ZNF729: variants seen among roughly 807,000 people sequenced by gnomAD.
ZNF729 encodes zinc finger protein 729.
ZNF729 carries 15 observed loss-of-function variants against 12.2 expected under a neutral mutation model. The ratio of observed to expected loss-of-function variants is 1.23; its 90% CI spans 0.82 to 1.89. The LOEUF (loss-of-function observed/expected upper bound fraction) is 1.89, where lower values mean the gene tolerates loss of function less well. ZNF729 is among the 40% of genes most tolerant of loss of function. The pLI, the probability that ZNF729 is intolerant of heterozygous loss-of-function variation, is 0.00. For missense variants in ZNF729, 1,540 were observed against 1,456.7 expected (o/e 1.06, Z -0.93); for synonymous variants, 492 against 476.3 (o/e 1.03, Z -0.43).
chr19:22,304,847 G>T, intron 3 of ZNF729, 64 bp downstream of exon 3: 1 of 1,509,282 alleles, frequency 6.6e-7, no homozygotes, highest in Non-Finnish European at 9.0e-7. Flanking sequence ...GAGAAAGCCA[G>T]TTCTCAAAAT....
intron 1 of ZNF729, among the ~76,000 whole-genome samples, chr19:22,296,293 C>T (rs1173163745): frequency 1.3e-5 from 2 of 152,080 alleles, no homozygotes; most frequent in Non-Finnish European, 2.9e-5. Flanking sequence ...ATTACTTATT[C>T]AATTTTGGAA....
At chr19:22,287,553 C>T (rs2145037250) in intron 1 of ZNF729, among the ~76,000 whole-genome samples, 1 of 152,106 alleles carries the variant, frequency 6.6e-6, no homozygotes, top group East Asian at 1.9e-4. Context: ...AGGTGTGAGC[C>T]GCTGCGCTCG....
intron 1 of ZNF729, among the ~76,000 whole-genome samples, chr19:22,301,678 C>T (rs1026600711): frequency 1.3e-5 from 2 of 152,308 alleles, no homozygotes; most frequent in South Asian, 4.1e-4. Context: ...TTTCCAGTGA[C>T]CTGTTACAGG....
At chr19:22,286,678 TC>T in intron 1 of ZNF729, 123 bp downstream of exon 1, 1 of 1,289,532 alleles carries the variant, frequency 7.8e-7, no homozygotes, top group Admixed American at 1.7e-5. Flanking sequence ...TGGAGTTCTT[TC>T]CCATCTCGGC....
At chr19:22,311,933 C>T (rs1321546357) in intron 3 of ZNF729, among the ~76,000 whole-genome samples, 1 of 151,886 alleles carries the variant, frequency 6.6e-6, no homozygotes, top group African/African-American at 2.4e-5. Flanking sequence ...GACCTTTTAC[C>T]ATTGTATAAT....
intron 1 of ZNF729, among the ~76,000 whole-genome samples, chr19:22,298,587 C>A (rs994699912): frequency 3.3e-5 from 5 of 152,172 alleles, no homozygotes; most frequent in African/African-American, 1.2e-4. Context: ...GGTCTCGGCT[C>A]ACTACATCCT....
intron 3 of ZNF729, among the ~76,000 whole-genome samples, chr19:22,307,756 G>T (rs1207959661): frequency 7.7e-6 from 1 of 129,482 alleles, no homozygotes. Flanking sequence ...AAAAAAAAAA[G>T]CATATTTTTT....
chr19:22,305,228 CACCAGAAACAGATACAGGCACA>C (rs1968364001), intron 3 of ZNF729, among the ~76,000 whole-genome samples: 1 of 152,154 alleles, frequency 6.6e-6, no homozygotes, highest in Non-Finnish European at 1.5e-5. Flanking sequence ...CTGAGACACT[CACCAGAAACAGATACAGGCACA>C]CACTTCTTGT....
In ZNF729 at chr19:22,314,086, T is replaced by A; in HGVS notation, c.669T>A (p.Leu223=). 1 of 1,546,240 alleles carries A rather than the reference T, an allele frequency of 6.5e-7. No individual in the cohort carries two copies. The highest frequency in any genetic ancestry group is 8.7e-7 in the Non-Finnish European group (1 of 1,146,866). Residue 223 remains leucine, a synonymous_variant, in exon 4 of 4, where the codon CTT becomes CTA. Transcript: ENST00000601693. ...RGKAFKSFST[L]TKHKIIHTED... ...AAGCCTTTAAATCGTTCTCAACCCT[T>A]ACTAAACATAAGATAATTCATACTG...
Position 22,314,003 on chromosome 19 carries a change from A to G in ZNF729, c.586A>G (p.Ile196Val). The G allele has an allele frequency of 1.3e-6, 2 of 1,540,962 alleles. No individual in the cohort carries two copies. The highest frequency in any genetic ancestry group is 8.7e-7 in the Non-Finnish European group (1 of 1,146,328). ...SKSFFMLSCL[I>V]RHKRIHIRQN... is the part of the protein sequence containing the mutation. ...ATCATTTTTCATGCTTTCATGCTTA[A>G]TTCGACATAAGAGAATTCATATTAG... The change falls in exon 4 of 4, where the codon ATT (isoleucine) becomes GTT (valine). Residue 196 changes from isoleucine to valine, a missense_variant. Coordinates refer to ENST00000601693, the MANE Select transcript of ZNF729 (RefSeq NM_001242680.2).
intron 2 of ZNF729, 65 bp downstream of exon 2, chr19:22,303,949 GA>G: frequency 7.0e-7 from 1 of 1,438,754 alleles, no homozygotes; most frequent in South Asian, 1.2e-5. Context: ...CTTTTCTGTA[GA>G]ATGTGTTTTG....
intron 1 of ZNF729, among the ~76,000 whole-genome samples, chr19:22,289,226 A>AT (rs373375131): frequency 0.14 from 19,128 of 140,484 alleles, 1,798 homozygotes; most frequent in African/African-American, 0.26. Flanking sequence ...CCATTTGTTA[A>AT]TTTTTTTTTT....
intron 1 of ZNF729, among the ~76,000 whole-genome samples, chr19:22,288,617 T>C (rs1157422353): frequency 6.6e-6 from 1 of 152,164 alleles, no homozygotes; most frequent in East Asian, 1.9e-4. Context: ...CCTGGCATAC[T>C]CTTCCTTTGA....
At chr19:22,300,407 G>A (rs1323770048) in intron 1 of ZNF729, among the ~76,000 whole-genome samples, 1 of 152,152 alleles carries the variant, frequency 6.6e-6, no homozygotes, top group Non-Finnish European at 1.5e-5. Context: ...CTATTGTGGA[G>A]TTTCTCTGGG....
At chr19:22,293,756 A>C (rs1430287940) in intron 1 of ZNF729, among the ~76,000 whole-genome samples, 5 of 151,502 alleles carry the variant, frequency 3.3e-5, no homozygotes, top group African/African-American at 1.2e-4. Context: ...GGCCTCTGAG[A>C]GTGCTGGGAT....
chr19:22,311,690 A>G (rs1253950381), intron 3 of ZNF729, among the ~76,000 whole-genome samples: 1 of 152,160 alleles, frequency 6.6e-6, no homozygotes, highest in Non-Finnish European at 1.5e-5. Flanking sequence ...AATGTTCTGT[A>G]TATATTTGTT....
At chr19:22,309,233 T>C (rs11673221) in intron 3 of ZNF729, among the ~76,000 whole-genome samples, 54,123 of 151,602 alleles carry the variant, frequency 0.36, 10,622 homozygotes, top group Middle Eastern at 0.56. Context: ...GATCACGAGG[T>C]CAGGAGTTCG....
chr19:22,314,725 A>G lies in ZNF729; in HGVS notation c.1308A>G (p.Glu436=). The G allele has an allele frequency of 6.2e-7, 1 of 1,613,506 alleles. No homozygotes were observed. The highest frequency in any genetic ancestry group is 8.5e-7 in the Non-Finnish European group (1 of 1,179,886). The change falls in exon 4 of 4, where the codon GAA becomes GAG. Residue 436 remains glutamate, a synonymous_variant. Coordinates refer to ENST00000601693, the MANE Select transcript of ZNF729 (RefSeq NM_001242680.2). ...HTGKKPYKCE[E]CGKAFNSSST... ...GAAAGAAACCCTACAAATGTGAAGA[A>G]TGTGGCAAAGCTTTTAACAGTTCCT...
At chr19:22,301,559 T>G (rs1457326965) in intron 1 of ZNF729, among the ~76,000 whole-genome samples, 3 of 152,288 alleles carry the variant, frequency 2.0e-5, no homozygotes, top group African/African-American at 7.2e-5. Context: ...AACTTTGAAT[T>G]GAGAGTATGC....
Sources: gnomAD v4.1 joint callset for allele counts (sites outside exome capture counted in the v4.1 genomes callset) on GRCh38, gnomAD v4.1.1 for gene constraint, MANE v1.5 for transcripts, NCBI Gene and HGNC (gene_info 2026-07-23, HGNC 2026-07-21) for gene names.